SH3BGRL2: variants seen among roughly 807,000 people sequenced by gnomAD.
SH3BGRL2 encodes the protein SH3 domain-binding glutamic acid-rich-like protein 2.
SH3BGRL2 carries 21 observed loss-of-function variants against 14.8 expected under a neutral mutation model. The ratio of observed to expected loss-of-function variants is 1.42; its 90% confidence interval spans 1.01 to 2.05. The LOEUF (loss-of-function observed/expected upper bound fraction) is 2.05, where lower values mean the gene tolerates loss of function less well. SH3BGRL2 is among the 30% of genes most tolerant of loss of function. SH3BGRL2 has a pLI of 0.00. For missense variants in SH3BGRL2, 147 were observed against 130.8 expected (o/e 1.12, Z -0.61); for synonymous variants, 50 against 47.8 (o/e 1.05, Z -0.19).
the SH3BGRL2 span, among the ~76,000 whole-genome samples, chr6:79,562,159 A>G: frequency 2.0e-5 from 3 of 152,180 alleles, no homozygotes; most frequent in South Asian, 6.2e-4. Context: ...ACTCAGAGTA[A>G]GACATTTGTG....
At chr6:79,605,221 A>G in the SH3BGRL2 span, among the ~76,000 whole-genome samples, 1 of 152,198 alleles carries the variant, frequency 6.6e-6, no homozygotes, top group Non-Finnish European at 1.5e-5. Flanking sequence ...GAGTAACCAC[A>G]TGCTATAAGA....
intron 2 of SH3BGRL2, among the ~76,000 whole-genome samples, chr6:79,684,385 T>A (rs1028816928): frequency 6.7e-6 from 1 of 149,884 alleles, no homozygotes; most frequent in Non-Finnish European, 1.5e-5. Flanking sequence ...ATCTCATAGG[T>A]TTTTTTTTAA....
At chr6:79,661,798 T>C (rs1769554238) in intron 1 of SH3BGRL2, among the ~76,000 whole-genome samples, 1 of 152,164 alleles carries the variant, frequency 6.6e-6, no homozygotes, top group Non-Finnish European at 1.5e-5. Flanking sequence ...GGACTTGCTT[T>C]ATGAATCTGG....
chr6:79,570,945 C>G, the SH3BGRL2 span, among the ~76,000 whole-genome samples: 1 of 152,174 alleles, frequency 6.6e-6, no homozygotes, highest in South Asian at 2.1e-4. Flanking sequence ...TAGGTGGAGC[C>G]TCAGTACTGG....
At chr6:79,669,836 C>T (rs1273840060) in intron 1 of SH3BGRL2, among the ~76,000 whole-genome samples, 1 of 152,060 alleles carries the variant, frequency 6.6e-6, no homozygotes, top group Non-Finnish European at 1.5e-5. Context: ...AAAAATACAG[C>T]AGTGGAGGGG....
rs1296497667 is a variant in SH3BGRL2 at position 79,702,705 on chromosome 6, G to A, written c.*3196G>A. The A allele has an allele frequency of 6.6e-6, 1 of 152,208 alleles. No individual in the cohort carries two copies. The highest frequency in any genetic ancestry group is 1.9e-4 in the East Asian group (1 of 5,188). 9.4% of individuals were successfully genotyped at this position (152,208 alleles called of 1,614,324 possible). On this transcript the variant is annotated 3_prime_UTR_variant, in exon 4 of 4. Coordinates refer to ENST00000369838, the MANE Select transcript of SH3BGRL2 (RefSeq NM_031469.4). ...CATGAGGTCCTGCACGAGGGTGTTG[G>A]GAGGACACCACAGATTCATCTCAGA...
chr6:79,684,982 G>A (rs1015675618), intron 2 of SH3BGRL2, among the ~76,000 whole-genome samples: 2 of 152,166 alleles, frequency 1.3e-5, no homozygotes, highest in African/African-American at 4.8e-5. Context: ...CTTTATGGTT[G>A]ATTGCTGATC....
rs1770411886 is a variant in SH3BGRL2, at chr6:79,699,616, A to C, written c.*107A>C. ...TGTGACAAAAGCCACACGCATTATC[A>C]GTAACTTTGCTTGCCACGGAAAAGG... On this transcript the variant is annotated 3_prime_UTR_variant, in exon 4 of 4. Transcript: ENST00000369838. The C allele has an allele frequency of 2.2e-6, 3 of 1,356,020 alleles. No individual in the cohort carries two copies. Among genetic ancestry groups the C allele is most frequent in the Non-Finnish European group, 2.9e-6 (3 of 1,035,042 alleles). 84.0% of individuals were successfully genotyped at this position (1,356,020 alleles called of 1,614,324 possible).
At chr6:79,581,054 TCCTGGACACATACA>T in the SH3BGRL2 span, among the ~76,000 whole-genome samples, 1 of 152,108 alleles carries the variant, frequency 6.6e-6, no homozygotes, top group East Asian at 1.9e-4. Context: ...ATGGATAAAT[TCCTGGACACATACA>T]CCCTCCCAAG....
At chr6:79,583,671 A>G in the SH3BGRL2 span, among the ~76,000 whole-genome samples, 1 of 152,146 alleles carries the variant, frequency 6.6e-6, no homozygotes, top group South Asian at 2.1e-4. Flanking sequence ...TAGGAGAAAT[A>G]CCTAATGTAA....
chr6:79,546,902 G>A, the SH3BGRL2 span, among the ~76,000 whole-genome samples: 3 of 151,794 alleles, frequency 2.0e-5, no homozygotes, highest in African/African-American at 7.3e-5. Flanking sequence ...GGCTGGTCTC[G>A]AACTCCTGAC....
chr6:79,615,149 G>T, the SH3BGRL2 span, among the ~76,000 whole-genome samples: 15 of 152,114 alleles, frequency 9.9e-5, no homozygotes, highest in South Asian at 3.1e-3. Flanking sequence ...GGATTGATTG[G>T]TTGGAAGCAT....
At chr6:79,556,562 A>G in the SH3BGRL2 span, among the ~76,000 whole-genome samples, 1 of 152,064 alleles carries the variant, frequency 6.6e-6, no homozygotes, top group Non-Finnish European at 1.5e-5. Context: ...CTTTGGGAGT[A>G]TAAATTGGTT....
the SH3BGRL2 span, among the ~76,000 whole-genome samples, chr6:79,589,204 A>ATCT: frequency 8.2e-5 from 7 of 85,482 alleles, no homozygotes; most frequent in Admixed American, 1.6e-4. Flanking sequence ...ATATATATAT[A>ATCT]TATTTTTTTT....
the SH3BGRL2 span, among the ~76,000 whole-genome samples, chr6:79,617,920 A>G: frequency 6.6e-6 from 1 of 152,200 alleles, no homozygotes; most frequent in Non-Finnish European, 1.5e-5. Flanking sequence ...TTCCATTGTA[A>G]AAGTATGGAA....
At chr6:79,623,564 T>C in the SH3BGRL2 span, among the ~76,000 whole-genome samples, 1 of 152,358 alleles carries the variant, frequency 6.6e-6, no homozygotes, top group Non-Finnish European at 1.5e-5. Flanking sequence ...ACTAGAGTGA[T>C]ATCTGCAATT....
At position 79,636,451 on chromosome 6, in the gene SH3BGRL2, G is replaced by A. The variant is rs138963497; in HGVS notation, c.45+4945G>A. 2.0e-4 allele frequency among the ~76,000 whole-genome samples: 30 copies of A among 152,242 alleles called. No individual in the cohort carries two copies. The Middle Eastern group carries it at 0.01, about 52-fold the overall frequency. On this transcript the variant is annotated intron_variant, in intron 1 of 3. Transcript: ENST00000369838. ...GTGGAGTGAGGTTAGGGAAGAGTTG[G>A]GAGCATACAAGTGATCAGAAGAAGC...
the SH3BGRL2 span, among the ~76,000 whole-genome samples, chr6:79,615,048 C>T: frequency 9.3e-6 from 1 of 107,216 alleles, no homozygotes; most frequent in African/African-American, 3.4e-5. Flanking sequence ...GCATAAGCGA[C>T]TGATAAGGCA....
At chr6:79,595,025 C>G in the SH3BGRL2 span, among the ~76,000 whole-genome samples, 3 of 152,166 alleles carry the variant, frequency 2.0e-5, no homozygotes, top group East Asian at 5.8e-4. Context: ...GTGGCTCACG[C>G]CTGTAATTCC....
Sources: allele counts gnomAD v4.1 joint callset (sites outside exome capture counted in the v4.1 genomes callset), GRCh38; gene constraint gnomAD v4.1.1; transcripts MANE v1.5; gene names NCBI Gene and HGNC (gene_info 2026-07-23, HGNC 2026-07-21).